The following HECW1 variants were observed in gnomAD, a reference collection of about 807,000 sequenced individuals.
The protein encoded by HECW1 is HECT, C2 and WW domain containing E3 ubiquitin protein ligase 1, also known as E3 ubiquitin-protein ligase HECW1.
Under a neutral mutation model 182.3 loss-of-function variants are expected in HECW1, and 61 were observed. The observed-to-expected ratio is 0.33, with a 90% CI of 0.27 to 0.41. The LOEUF is 0.41. Ranked by LOEUF, HECW1 falls within the 10% of genes least tolerant of loss-of-function variation. HECW1 has a pLI of 1.00. For synonymous variants in HECW1, 859 were observed against 832.6 expected, an observed-to-expected ratio of 1.03 and a Z score of -0.55; for missense variants, 1,739 against 2,108.9, an observed-to-expected ratio of 0.82 and a Z score of 3.44.
chr7:43,546,825 A>G (rs1023269811), intron 26 of HECW1, among the ~76,000 whole-genome samples: 1 of 152,156 alleles, frequency 6.6e-6, no homozygotes, highest in Admixed American at 6.5e-5. Context: ...ATAAATCCAA[A>G]TGTGTTTGCA....
chr7:43,183,306 G>A (rs1793050485), intron 2 of HECW1, among the ~76,000 whole-genome samples: 2 of 152,178 alleles, frequency 1.3e-5, no homozygotes, highest in East Asian at 1.9e-4. Flanking sequence ...GGTAGGTGGA[G>A]CCAGGCTGGA....
At chr7:43,293,476 T>C (rs898881111) in intron 3 of HECW1, among the ~76,000 whole-genome samples, 4 of 152,172 alleles carry the variant, frequency 2.6e-5, no homozygotes, top group African/African-American at 9.6e-5. Flanking sequence ...GAGTAGCCTC[T>C]GGTCCTTTTG....
chr7:43,126,994 C>T (rs1464394231), intron 2 of HECW1, among the ~76,000 whole-genome samples: 2 of 152,050 alleles, frequency 1.3e-5, no homozygotes, highest in African/African-American at 4.8e-5. Flanking sequence ...GAAATTAGGC[C>T]AATAAATAAC....
chr7:43,350,287 A>C (rs6463185), intron 5 of HECW1, among the ~76,000 whole-genome samples: 124,501 of 152,142 alleles, frequency 0.82, 51,217 homozygotes, highest in African/African-American at 0.91. Context: ...TATCTCACAG[A>C]CCTTAAGATT....
intron 4 of HECW1, among the ~76,000 whole-genome samples, chr7:43,313,632 C>T (rs1340128398): frequency 2.0e-5 from 3 of 152,312 alleles, no homozygotes; most frequent in African/African-American, 4.8e-5. Flanking sequence ...CCACTGCCCT[C>T]GGCCGCATAT....
chr7:43,557,728 TA>T (rs1473131426), intron 29 of HECW1, among the ~76,000 whole-genome samples: 3 of 152,200 alleles, frequency 2.0e-5, no homozygotes, highest in Non-Finnish European at 4.4e-5. Flanking sequence ...TCAAGCTTCT[TA>T]AACCATAGTC....
intron 2 of HECW1, among the ~76,000 whole-genome samples, chr7:43,126,184 T>C (rs574321828): frequency 6.6e-6 from 1 of 151,396 alleles, no homozygotes; most frequent in South Asian, 2.1e-4. Context: ...GGATTGCTCC[T>C]TCCCTTTTAT....
At chr7:43,467,878 A>AG (rs1252818097) in intron 15 of HECW1, among the ~76,000 whole-genome samples, 4 of 151,976 alleles carry the variant, frequency 2.6e-5, no homozygotes, top group East Asian at 1.9e-4. Flanking sequence ...GTGGCTGCAA[A>AG]GGGGGGGATC....
At chr7:43,362,376 G>A (rs748655321) in intron 6 of HECW1, among the ~76,000 whole-genome samples, 13 of 152,118 alleles carry the variant, frequency 8.5e-5, no homozygotes, top group South Asian at 2.1e-4. Flanking sequence ...TTCCCATCCC[G>A]GAACTCATAG....
At chr7:43,559,658 T>C (rs1210447328) in intron 29 of HECW1, among the ~76,000 whole-genome samples, 1 of 152,122 alleles carries the variant, frequency 6.6e-6, no homozygotes, top group Non-Finnish European at 1.5e-5. Flanking sequence ...GGGGTCAGCA[T>C]AGAAGTCTTC....
At chr7:43,431,418 A>T (rs2076545609) in intron 8 of HECW1, among the ~76,000 whole-genome samples, 1 of 151,804 alleles carries the variant, frequency 6.6e-6, no homozygotes, top group Admixed American at 6.6e-5. Context: ...GGAATTTGTG[A>T]CCTCTTCCTC....
chr7:43,316,101 C>T (rs1809208182), intron 4 of HECW1, among the ~76,000 whole-genome samples: 1 of 152,034 alleles, frequency 6.6e-6, no homozygotes, highest in African/African-American at 2.4e-5. Flanking sequence ...AAATATATTA[C>T]TTGTTTCTTA....
chr7:43,241,995 T>C (rs958248750), intron 2 of HECW1, among the ~76,000 whole-genome samples: 1 of 151,286 alleles, frequency 6.6e-6, no homozygotes, highest in Non-Finnish European at 1.5e-5. Context: ...AAGGAAGGGG[T>C]AAATAAGTGC....
At chr7:43,542,247 A>T (rs1170060544) in intron 26 of HECW1, among the ~76,000 whole-genome samples, 1 of 152,064 alleles carries the variant, frequency 6.6e-6, no homozygotes, top group African/African-American at 2.4e-5. Context: ...TGTTTCTATG[A>T]ATTTGACTAC....
chr7:43,405,243 G>A (rs756557786), intron 7 of HECW1, among the ~76,000 whole-genome samples: 5 of 149,478 alleles, frequency 3.3e-5, no homozygotes, highest in Non-Finnish European at 7.5e-5. Flanking sequence ...ACTATTTTAT[G>A]ATGAATGTTT....
chr7:43,380,232 T>C (rs990607582), intron 6 of HECW1, among the ~76,000 whole-genome samples: 1 of 152,168 alleles, frequency 6.6e-6, no homozygotes, highest in East Asian at 1.9e-4. Context: ...TTTTTAAAAA[T>C]TTTTAAATTT....
At chr7:43,322,350 G>A (rs1401041526) in intron 5 of HECW1, among the ~76,000 whole-genome samples, 2 of 152,118 alleles carry the variant, frequency 1.3e-5, no homozygotes, top group African/African-American at 2.4e-5. Context: ...GTGAGCCACC[G>A]CACCTGGCCA....
chr7:43,334,438 C>A (rs893857270), intron 5 of HECW1, among the ~76,000 whole-genome samples: 2 of 152,166 alleles, frequency 1.3e-5, no homozygotes, highest in Non-Finnish European at 2.9e-5. Flanking sequence ...TCCCAAAATT[C>A]TAGAGTCAAT....
chr7:43,518,415 G>A (rs562304435), intron 24 of HECW1, among the ~76,000 whole-genome samples: 147 of 151,868 alleles, frequency 9.7e-4, no homozygotes, highest in Middle Eastern at 3.4e-3. Context: ...AGAATTGCTT[G>A]AACCCAGGTA....
Sources: allele counts gnomAD v4.1 joint callset (sites outside exome capture counted in the v4.1 genomes callset), GRCh38; gene constraint gnomAD v4.1.1; transcripts MANE v1.5; gene names NCBI Gene and HGNC (gene_info 2026-07-23, HGNC 2026-07-21).